Variants in LGALS3 observed in about 807,000 individuals in gnomAD.
The protein encoded by LGALS3 is galectin-3.
A neutral mutation model predicts 20.7 loss-of-function variants in LGALS3; 18 were observed. The ratio of observed to expected loss-of-function variants is 0.87; its 90% CI spans 0.60 to 1.29. The LOEUF (loss-of-function observed/expected upper bound fraction) is 1.29, where lower values mean the gene tolerates loss of function less well. Among genes scored for constraint, LGALS3 ranks in the 50% most tolerant of loss-of-function variants. LGALS3 has a pLI of 0.00. For missense variants in LGALS3, 315 were observed against 314.7 expected (o/e 1.00, Z -0.01); for synonymous variants, 112 against 119.6 (o/e 0.94, Z 0.42).
At chr14:55,130,415 G>A (rs1256551986) in intron 1 of LGALS3, among the ~76,000 whole-genome samples, 2 of 152,186 alleles carry the variant, frequency 1.3e-5, no homozygotes, top group African/African-American at 4.8e-5. Flanking sequence ...CAGTGACTCA[G>A]GCTGTCTCTA....
intron 3 of LGALS3, 120 bp downstream of exon 3, chr14:55,138,488 G>A (rs762622625): frequency 9.4e-7 from 1 of 1,059,900 alleles, no homozygotes; most frequent in Non-Finnish European, 1.5e-6. Context: ...TATGTTGGTA[G>A]AGTCAAAAAA....
chr14:55,136,048 C>T (rs949579382), intron 1 of LGALS3, among the ~76,000 whole-genome samples: 9 of 152,140 alleles, frequency 5.9e-5, no homozygotes, highest in Non-Finnish European at 1.3e-4. Flanking sequence ...AAGAACTCAC[C>T]CATGCCTCAG....
intron 4 of LGALS3, among the ~76,000 whole-genome samples, chr14:55,140,671 G>T (rs953197081): frequency 6.6e-6 from 1 of 152,104 alleles, no homozygotes; most frequent in South Asian, 2.1e-4. Flanking sequence ...AAGGAATATT[G>T]CTCTCCCCTT....
At chr14:55,135,689 CG>C (rs1881372971) in intron 1 of LGALS3, among the ~76,000 whole-genome samples, 1 of 151,402 alleles carries the variant, frequency 6.6e-6, no homozygotes, top group Admixed American at 6.6e-5. Context: ...CTCAGCCCCT[CG>C]AGTAGCTGGG....
intron 5 of LGALS3, among the ~76,000 whole-genome samples, chr14:55,144,527 TA>T (rs35563148): frequency 0.4 from 59,832 of 150,916 alleles, 12,154 homozygotes; most frequent in African/African-American, 0.41. Context: ...TTTGCTGCTT[TA>T]AAAAAAAAAC....
rs756059560 is a variant in LGALS3, at chr14:55,145,135, C to T, written c.617C>T (p.Pro206Leu). 6.2e-7 allele frequency: 1 copy of T among 1,613,758 alleles called. No homozygotes were observed. Among genetic ancestry groups the T allele is most frequent in the Admixed American group, 1.7e-5 (1 of 59,960 alleles). ...TTTCAGATACAAGTACTGGTTGAAC[C>T]TGACCACTTCAAGGTTGCAGTGAAT... ...KPFKIQVLVE[P>L]DHFKVAVNDA... The change falls in exon 6 of 6, where the codon CCT becomes CTT. Residue 206 changes from proline to leucine, a missense_variant. Physicochemically the swap from Pro to Leu is moderately conservative, Grantham distance 98 (BLOSUM62 -3). Coordinates refer to ENST00000254301, the MANE Select transcript of LGALS3 (RefSeq NM_002306.4).
intron 1 of LGALS3, 101 bp from the exon 2 acceptor site, chr14:55,137,269 A>T: frequency 9.0e-7 from 1 of 1,110,540 alleles, no homozygotes; most frequent in Non-Finnish European, 1.4e-6. Flanking sequence ...CATAATGCCT[A>T]GAGATGGATT....
intron 2 of LGALS3, chr14:55,137,672 T>C: frequency 7.1e-7 from 1 of 1,411,874 alleles, no homozygotes; most frequent in Non-Finnish European, 9.2e-7. Flanking sequence ...AGCTGAGAAA[T>C]CCTCTGAGTA....
chr14:55,140,225 C>G (rs1372440499), intron 3 of LGALS3, 50 bp from the exon 4 acceptor site: 1 of 1,239,618 alleles, frequency 8.1e-7, no homozygotes, highest in East Asian at 2.4e-5. Context: ...CGTTTTTTCC[C>G]CAAAGAAACA....
At chr14:55,144,013 T>C (rs1203872889) in intron 5 of LGALS3, among the ~76,000 whole-genome samples, 1 of 152,226 alleles carries the variant, frequency 6.6e-6, no homozygotes, top group Non-Finnish European at 1.5e-5. Context: ...GATATAGGAA[T>C]GAACATCCAC....
chr14:55,144,249 C>T (rs1008651032), intron 5 of LGALS3, among the ~76,000 whole-genome samples: 1 of 152,132 alleles, frequency 6.6e-6, no homozygotes, highest in Admixed American at 6.5e-5. Context: ...CTCAAACGAT[C>T]CTCCCACTTG....
intron 5 of LGALS3, among the ~76,000 whole-genome samples, chr14:55,144,079 TACA>T (rs10598317): frequency 0.019 from 2,822 of 152,340 alleles, 81 homozygotes; most frequent in African/African-American, 0.06. Context: ...CATCAATCCT[TACA>T]ACATTTGCCA....
Position 55,129,312 on chromosome 14 carries a change from G to C in LGALS3, c.-5+12G>C, listed in dbSNP as rs558959276. On this transcript the variant is annotated intron_variant, in intron 1 of 5. Coordinates refer to ENST00000254301, the MANE Select transcript of LGALS3 (RefSeq NM_002306.4). The surrounding 1 kb of genome is among the most constrained non-coding windows in gnomAD (Gnocchi z 5.3). ...CCAGCCAACGAGCGGTGAGCTGCGC[G>C]GGGCGCGGGGGACGCGGCTCCGGCC... 6.6e-6 allele frequency: 1 copy of C among 151,970 alleles called. No individual in the cohort carries two copies. Among genetic ancestry groups the C allele is most frequent in the Non-Finnish European group, 1.5e-5 (1 of 67,972 alleles). The allele number at this position is 151,970 out of a possible 1,614,324, so 9.4% of individuals were successfully genotyped here. A position where few individuals can be genotyped will look rare whatever the true frequency, so the allele number is the denominator to read the frequency against.
chr14:55,137,625 A>G, intron 2 of LGALS3: 1 of 1,440,844 alleles, frequency 6.9e-7, no homozygotes, highest in East Asian at 2.5e-5. Context: ...TTTCACCAAA[A>G]GGCCCAGGGC....
In LGALS3 at chr14:55,138,062, TG is replaced by T. The variant is rs1881469714; in HGVS notation, c.39del (p.Ser14LeufsTer101). On this transcript the variant is annotated frameshift_variant, in exon 3 of 6. Transcript: ENST00000254301. LOFTEE classifies it high-confidence loss of function. ...CTTTCCAGCTCCATGATGCGTTATCTGGGTCTGGAAACCCAAACCCTCAAGG... is the reference window on the plus strand; with the variant it reads ...CTTTCCAGCTCCATGATGCGTTATCTGGTCTGGAAACCCAAACCCTCAAGG... ...DNFSLHDALS[G>X]SGNPNPQGWP... is the part of the protein sequence containing the mutation. The T allele has an allele frequency of 8.6e-6, 13 of 1,505,198 alleles. No homozygotes were observed. The highest frequency in any genetic ancestry group is 1.2e-5 in the Non-Finnish European group (13 of 1,128,032). 93.2% of individuals were successfully genotyped at this position (1,505,198 alleles called of 1,614,324 possible).
At chr14:55,140,941 T>C (rs1049790859) in intron 4 of LGALS3, among the ~76,000 whole-genome samples, 1 of 152,206 alleles carries the variant, frequency 6.6e-6, no homozygotes, top group African/African-American at 2.4e-5. Flanking sequence ...CCACTGGTTA[T>C]GTAGTACTTA....
intron 3 of LGALS3, 59 bp from the exon 4 acceptor site, chr14:55,140,216 G>A (rs568671129): frequency 2.3e-5 from 26 of 1,123,538 alleles, no homozygotes; most frequent in Admixed American, 3.7e-5. Flanking sequence ...TAGCAACATC[G>A]TTTTTTCCCC....
intron 1 of LGALS3, among the ~76,000 whole-genome samples, chr14:55,133,853 A>G (rs1881303672): frequency 6.6e-6 from 1 of 152,222 alleles, no homozygotes; most frequent in African/African-American, 2.4e-5. Flanking sequence ...TCTGGTTGGA[A>G]TCAGCCTTTA....
intron 4 of LGALS3, among the ~76,000 whole-genome samples, chr14:55,140,644 A>G (rs1204518071): frequency 6.6e-6 from 1 of 152,174 alleles, no homozygotes; most frequent in African/African-American, 2.4e-5. Context: ...GCTAATCTTC[A>G]TGGCTGAAGG....
Sources: gnomAD v4.1 joint callset for allele counts (sites outside exome capture counted in the v4.1 genomes callset) on GRCh38, gnomAD v4.1.1 for gene constraint, Gnocchi (gnomAD v3.1) non-coding constraint, MANE v1.5 for transcripts, NCBI Gene and HGNC (gene_info 2026-07-23, HGNC 2026-07-21) for gene names.